SHOC2: variants seen among roughly 807,000 people sequenced by gnomAD.
The protein encoded by SHOC2 is SHOC2 leucine rich repeat scaffold protein.
Under a neutral mutation model 50.2 loss-of-function variants are expected in SHOC2, and 4 were observed. The ratio of observed to expected loss-of-function variants is 0.08; its 90% confidence interval spans 0.04 to 0.18. SHOC2 has a LOEUF of 0.18. Ranked by LOEUF, SHOC2 falls within the 10% of genes least tolerant of loss-of-function variation. The pLI is 1.00. For missense variants in SHOC2, 388 were observed against 669.6 expected, an observed-to-expected ratio of 0.58 and a Z score of 4.64; for synonymous variants, 218 against 244.5, an observed-to-expected ratio of 0.89 and a Z score of 1.01.
Position 110,964,976 on chromosome 10 carries a change from T to C in SHOC2, c.618T>C (p.Thr206=). 6.2e-7 allele frequency: 1 copy of C among 1,613,706 alleles called. No individual in the cohort carries two copies. The highest frequency in any genetic ancestry group is 8.5e-7 in the Non-Finnish European group (1 of 1,179,852). Residue 206 remains threonine, a synonymous_variant, in exon 2 of 9, where the codon ACT becomes ACC. Coordinates refer to ENST00000369452, the MANE Select transcript of SHOC2 (RefSeq NM_007373.4). The surrounding 1 kb of genome is among the most constrained non-coding windows in gnomAD (Gnocchi z 4.9). ...TLYLRFNRIT[T]VEKDIKNLSK... is the part of the protein sequence containing the mutation. ...ACCTTCGCTTTAATCGTATAACTAC[T>C]GTGGAAAAGGACATCAAAAACTTGT...
intron 1 of SHOC2, among the ~76,000 whole-genome samples, chr10:110,927,173 G>C (rs1359605713): frequency 6.6e-6 from 1 of 152,168 alleles, no homozygotes; most frequent in African/African-American, 2.4e-5. Context: ...GAAAGTCATA[G>C]TTCTTTGCTA....
intron 1 of SHOC2, among the ~76,000 whole-genome samples, chr10:110,953,956 T>C (rs915813592): frequency 4.6e-5 from 7 of 151,200 alleles, no homozygotes; most frequent in Non-Finnish European, 7.4e-5. Context: ...CTTGGTTTAT[T>C]TTATTTTCTA....
intron 1 of SHOC2, among the ~76,000 whole-genome samples, chr10:110,929,611 G>A (rs1408507393): frequency 6.6e-6 from 1 of 152,190 alleles, no homozygotes; most frequent in African/African-American, 2.4e-5. Flanking sequence ...TGTTCAGGGC[G>A]AATGAAGAGT....
At chr10:110,959,241 C>T (rs940068882) in intron 1 of SHOC2, among the ~76,000 whole-genome samples, 2 of 152,084 alleles carry the variant, frequency 1.3e-5, no homozygotes, top group African/African-American at 4.8e-5. Flanking sequence ...ATTTTTGACT[C>T]GGATACCAAG....
At chr10:110,971,732 G>A (rs1250089446) in intron 2 of SHOC2, among the ~76,000 whole-genome samples, 1 of 151,928 alleles carries the variant, frequency 6.6e-6, no homozygotes, top group East Asian at 1.9e-4. Context: ...TTGTTTTACA[G>A]TTTTCATCAT....
chr10:110,988,660 C>A (rs914875164), intron 3 of SHOC2, among the ~76,000 whole-genome samples: 5 of 152,034 alleles, frequency 3.3e-5, no homozygotes, highest in Admixed American at 2.6e-4. Context: ...CCTATTGTTT[C>A]TCTGGTTTTT....
At chr10:111,006,168 A>C (rs978034403) in intron 5 of SHOC2, among the ~76,000 whole-genome samples, 1 of 152,274 alleles carries the variant, frequency 6.6e-6, no homozygotes, top group Non-Finnish European at 1.5e-5. Flanking sequence ...TTTAAAAATG[A>C]AAATACTTTA....
chr10:110,961,150 T>G (rs551404661), intron 1 of SHOC2, among the ~76,000 whole-genome samples: 2 of 152,288 alleles, frequency 1.3e-5, no homozygotes, highest in African/African-American at 4.8e-5. Flanking sequence ...TAATTATTGT[T>G]GCAATTTTAT....
chr10:111,010,680 A>G (rs1298278577), intron 8 of SHOC2, among the ~76,000 whole-genome samples: 1 of 18,556 alleles, frequency 5.4e-5, no homozygotes, highest in African/African-American at 1.4e-4. Flanking sequence ...TTAAAGTATA[A>G]TAAAAAAAAA....
intron 1 of SHOC2, chr10:110,936,613 T>TA (rs1428091159): frequency 3.1e-6 from 3 of 953,256 alleles, no homozygotes; most frequent in Non-Finnish European, 4.9e-6. Flanking sequence ...TTAACAGTCT[T>TA]TATTGGGCTC....
chr10:110,919,515 A>T (rs1392118392), upstream of SHOC2: 1 of 169,186 alleles, frequency 5.9e-6, no homozygotes, highest in African/African-American at 6.4e-5. Context: ...CTGGAGCGAG[A>T]GTAGTGGCGG....
At chr10:111,009,535 C>G (rs1192837641) in intron 7 of SHOC2, 150 bp downstream of exon 7, 8 of 840,504 alleles carry the variant, frequency 9.5e-6, no homozygotes, top group Non-Finnish European at 1.5e-5. Context: ...TATAACCTGG[C>G]TTTGTTTTCC....
intron 2 of SHOC2, among the ~76,000 whole-genome samples, chr10:110,984,990 A>G (rs903571490): frequency 7.9e-5 from 12 of 152,152 alleles, no homozygotes; most frequent in African/African-American, 2.7e-4. Context: ...GACCTCCTAG[A>G]TACTATAGGC....
chr10:110,982,084 C>T (rs1424905611), intron 2 of SHOC2, among the ~76,000 whole-genome samples: 2 of 144,582 alleles, frequency 1.4e-5, no homozygotes, highest in Non-Finnish European at 3.0e-5. Flanking sequence ...CAGTTCCCAC[C>T]TATGAGTGAG....
chr10:110,964,591 C>A lies in SHOC2; in HGVS notation c.233C>A (p.Ala78Glu), dbSNP rs201197595. 6.2e-7 allele frequency: 1 copy of A among 1,614,052 alleles called. No individual in the cohort carries two copies. The highest frequency in any genetic ancestry group is 8.5e-7 in the Non-Finnish European group (1 of 1,179,996). The change falls in exon 2 of 9, where the codon GCA (alanine) becomes GAA (glutamate). Residue 78 changes from alanine (A) to glutamate (E), a missense_variant. Physicochemically the swap from Ala to Glu is moderately radical, Grantham distance 107. Coordinates refer to ENST00000369452, the MANE Select transcript of SHOC2 (RefSeq NM_007373.4). This position sits in a 1 kb window ranked among gnomAD's most constrained non-coding sequence, Gnocchi z 4.9. The part of the protein sequence containing the change: ...VDNTIKRPNP[A>E]PGTRKKSSNA... The stretch of plus-strand genomic sequence containing the variant: ...AATACGATCAAACGGCCAAACCCAG[C>A]ACCTGGGACTAGAAAAAAATCCAGC...
chr10:110,952,937 C>T (rs1847384629), intron 1 of SHOC2, among the ~76,000 whole-genome samples: 1 of 152,140 alleles, frequency 6.6e-6, no homozygotes, highest in South Asian at 2.1e-4. Context: ...TATATATGTA[C>T]CACATTTGTT....
chr10:110,979,884 T>TTTGTTG (rs10672369), intron 2 of SHOC2, among the ~76,000 whole-genome samples: 3 of 151,964 alleles, frequency 2.0e-5, no homozygotes, highest in Non-Finnish European at 4.4e-5. Context: ...ATCAGAGAAT[T>TTTGTTG]TTGTTGTTGT....
intron 1 of SHOC2, among the ~76,000 whole-genome samples, chr10:110,959,791 C>T (rs139568022): frequency 1.5e-3 from 225 of 152,318 alleles, no homozygotes; most frequent in Non-Finnish European, 1.7e-3. Flanking sequence ...GAAATTATTA[C>T]TGCTTTTTAA....
At chr10:110,950,217 C>T (rs1182762155) in intron 1 of SHOC2, among the ~76,000 whole-genome samples, 3 of 151,972 alleles carry the variant, frequency 2.0e-5, no homozygotes, top group Non-Finnish European at 4.4e-5. Context: ...ATAAAATTAG[C>T]TTACAAAAAC....
Sources: gnomAD v4.1 joint callset for allele counts (sites outside exome capture counted in the v4.1 genomes callset) on GRCh38, gnomAD v4.1.1 for gene constraint, Gnocchi (gnomAD v3.1) non-coding constraint, MANE v1.5 for transcripts, NCBI Gene and HGNC (gene_info 2026-07-23, HGNC 2026-07-21) for gene names.